SCML4: variants seen among roughly 807,000 people sequenced by gnomAD.
SCML4 encodes the protein sex comb on midleg-like protein 4.
Under a neutral mutation model 41.1 loss-of-function variants are expected in SCML4, and 34 were observed. That is an observed-to-expected ratio of 0.83 (90% CI 0.63 to 1.10). The LOEUF (loss-of-function observed/expected upper bound fraction) is 1.10, where lower values mean the gene tolerates loss of function less well. Ranked by LOEUF, SCML4 falls within the 50% of genes least tolerant of loss-of-function variation. SCML4 has a pLI of 0.00. For missense variants in SCML4, 522 were observed against 534.1 expected, an observed-to-expected ratio of 0.98 and a Z score of 0.22; for synonymous variants, 214 against 220.9, an observed-to-expected ratio of 0.97 and a Z score of 0.28.
chr6:107,836,589 C>G, the SCML4 span, among the ~76,000 whole-genome samples: 4 of 152,186 alleles, frequency 2.6e-5, no homozygotes, highest in Admixed American at 2.0e-4. Flanking sequence ...GAATTGTTCA[C>G]CGCCTGGTTC....
In SCML4 at chr6:107,705,252, G is replaced by A; in HGVS notation, c.1193C>T (p.Pro398Leu). The change falls in exon 8 of 8, where the codon CCT (proline) becomes CTT (leucine). Residue 398 changes from proline to leucine, a missense_variant. Coordinates refer to ENST00000369020, the MANE Select transcript of SCML4 (RefSeq NM_198081.5). ...AATGTGGTAGCAGAGTTTCAGTGCA[G>A]GTCCCAGCTTCAGGCCCAGGTACTT... ...VMKYLGLKLG[P>L]ALKLCYHIDK... 1 of 1,551,380 alleles carries A rather than the reference G, an allele frequency of 6.4e-7. No individual in the cohort carries two copies. Among genetic ancestry groups the A allele is most frequent in the Non-Finnish European group, 8.7e-7 (1 of 1,146,598 alleles).
chr6:107,838,655 A>G, the SCML4 span, among the ~76,000 whole-genome samples: 112,608 of 152,086 alleles, frequency 0.74, 42,829 homozygotes, highest in East Asian at 0.94. Flanking sequence ...TCCTTGAGGT[A>G]TCTCCCCAGA....
At chr6:107,802,774 C>A (rs1209780329) in intron 1 of SCML4, among the ~76,000 whole-genome samples, 2 of 149,502 alleles carry the variant, frequency 1.3e-5, no homozygotes, top group African/African-American at 4.9e-5. Flanking sequence ...TCTCTTTCCA[C>A]GGTCTCCCCC....
intron 2 of SCML4, among the ~76,000 whole-genome samples, chr6:107,763,993 T>G (rs914789716): frequency 6.6e-6 from 1 of 152,244 alleles, no homozygotes; most frequent in Non-Finnish European, 1.5e-5. Flanking sequence ...ACATTTCTCC[T>G]TGGAATTCAC....
chr6:107,840,208 G>A, the SCML4 span, among the ~76,000 whole-genome samples: 1 of 118,942 alleles, frequency 8.4e-6, no homozygotes, highest in South Asian at 3.9e-4. Context: ...ACGAGTGAAT[G>A]AGAAATCCTA....
At position 107,749,563 on chromosome 6, in the gene SCML4, C is replaced by A. The variant is rs1562215708; in HGVS notation, c.286+121G>T. 4 of 1,183,868 alleles carry A rather than the reference C, an allele frequency of 3.4e-6. No individual in the cohort carries two copies. The East Asian group carries it at 7.1e-5, about 21-fold the overall frequency. 73.3% of individuals were successfully genotyped at this position (1,183,868 alleles called of 1,614,324 possible). ...TCCTGTCTGCTGCCTAGCTAGCACA[C>A]TAAATCGCTCATTTGAGCCATCTCA... On this transcript the variant is annotated intron_variant, in intron 3 of 7. Coordinates refer to ENST00000369020, the MANE Select transcript of SCML4 (RefSeq NM_198081.5).
At chr6:107,792,470 G>A (rs1481484003) in intron 1 of SCML4, among the ~76,000 whole-genome samples, 1 of 152,174 alleles carries the variant, frequency 6.6e-6, no homozygotes, top group Non-Finnish European at 1.5e-5. Context: ...TGTGGTTCAC[G>A]CCTGTAATCC....
At chr6:107,723,909 C>T (rs1396361196) in intron 5 of SCML4, among the ~76,000 whole-genome samples, 1 of 152,028 alleles carries the variant, frequency 6.6e-6, no homozygotes, top group Non-Finnish European at 1.5e-5. Context: ...AAATCCTCAA[C>T]AAAAAACCTG....
chr6:107,798,510 C>T (rs895831893), intron 1 of SCML4, among the ~76,000 whole-genome samples: 6 of 151,860 alleles, frequency 4.0e-5, no homozygotes, highest in African/African-American at 1.4e-4. Flanking sequence ...ATCAATCTTG[C>T]TTGGGGTTAT....
intron 1 of SCML4, among the ~76,000 whole-genome samples, chr6:107,817,979 A>G (rs995819190): frequency 6.6e-6 from 1 of 152,134 alleles, no homozygotes. Flanking sequence ...TGCCCTCTTT[A>G]TTTATGTTAA....
chr6:107,705,203 G>A lies in SCML4; in HGVS notation c.1242C>T (p.Phe414=). The A allele has an allele frequency of 6.4e-7, 1 of 1,551,590 alleles. No individual in the cohort carries two copies. ...YHIDKLKQAK[F] is the part of the protein sequence containing the mutation. The stretch of plus-strand genomic sequence containing the variant: ...CGCTTCTGTCTTTTTAAAAAAGTCA[G>A]AACTTGGCTTGCTTCAGTTTGTCAA... Residue 414 remains phenylalanine, a synonymous_variant, in exon 8 of 8, where the codon TTC becomes TTT. Coordinates refer to ENST00000369020, the MANE Select transcript of SCML4 (RefSeq NM_198081.5).
intron 7 of SCML4, 45 bp from the exon 8 acceptor site, chr6:107,705,370 A>G (rs1397784146): frequency 1.3e-6 from 2 of 1,541,724 alleles, no homozygotes; most frequent in Non-Finnish European, 1.8e-6. Context: ...GAAGATGGTC[A>G]GAGTCATCGA....
chr6:107,716,458 C>CT (rs1774804554), intron 6 of SCML4, among the ~76,000 whole-genome samples: 1 of 152,132 alleles, frequency 6.6e-6, no homozygotes, highest in Admixed American at 6.6e-5. Flanking sequence ...AAACATATAA[C>CT]TTATAATAAG....
chr6:107,834,693 C>A, the SCML4 span, among the ~76,000 whole-genome samples: 3 of 152,196 alleles, frequency 2.0e-5, no homozygotes, highest in Non-Finnish European at 2.9e-5. Context: ...CACCTGTAAT[C>A]CCAGCACTTT....
chr6:107,789,843 C>T (rs1202488591), intron 1 of SCML4, among the ~76,000 whole-genome samples: 2 of 152,226 alleles, frequency 1.3e-5, no homozygotes, highest in African/African-American at 2.4e-5. Flanking sequence ...GCCCAGCTCA[C>T]AGGACCAGCA....
intron 1 of SCML4, among the ~76,000 whole-genome samples, chr6:107,780,594 C>A (rs113046373): frequency 1.3e-4 from 20 of 152,018 alleles, no homozygotes; most frequent in African/African-American, 4.6e-4. Flanking sequence ...GTGGTCCCAG[C>A]GACTTGGGAG....
chr6:107,835,560 C>A, the SCML4 span, among the ~76,000 whole-genome samples: 5 of 151,484 alleles, frequency 3.3e-5, no homozygotes, highest in African/African-American at 4.9e-5. Context: ...GGAAGCATAG[C>A]GAGACCTTGT....
At chr6:107,803,961 C>T (rs1665908223) in intron 1 of SCML4, among the ~76,000 whole-genome samples, 1 of 150,938 alleles carries the variant, frequency 6.6e-6, no homozygotes, top group South Asian at 2.1e-4. Flanking sequence ...CCTTTGTTCA[C>T]TTGTTTATCT....
intron 5 of SCML4, among the ~76,000 whole-genome samples, chr6:107,723,528 GT>G (rs1336770852): frequency 1.3e-5 from 2 of 152,140 alleles, no homozygotes; most frequent in African/African-American, 4.8e-5. Context: ...GGAACCATCT[GT>G]TCTATAAACA....
Sources: gnomAD v4.1 joint callset for allele counts (sites outside exome capture counted in the v4.1 genomes callset) on GRCh38, gnomAD v4.1.1 for gene constraint, MANE v1.5 for transcripts, NCBI Gene and HGNC (gene_info 2026-07-23, HGNC 2026-07-21) for gene names.